The following RSRC1 variants were observed in gnomAD, a reference collection of about 807,000 sequenced individuals.
RSRC1 encodes serine/Arginine-related protein 53.
A neutral mutation model predicts 49.1 loss-of-function variants in RSRC1; 39 were observed. The observed-to-expected ratio is 0.79, with a 90% CI of 0.61 to 1.04. The LOEUF (loss-of-function observed/expected upper bound fraction) is 1.04, where lower values mean the gene tolerates loss of function less well. RSRC1 is among the 50% of genes least tolerant of loss of function. The pLI is 0.00. For missense variants in RSRC1, 388 were observed against 402.4 expected, an observed-to-expected ratio of 0.96 and a Z score of 0.31; for synonymous variants, 143 against 130.8, an observed-to-expected ratio of 1.09 and a Z score of -0.63.
At chr3:158,212,795 C>T (rs1397293435) in intron 4 of RSRC1, among the ~76,000 whole-genome samples, 1 of 151,898 alleles carries the variant, frequency 6.6e-6, no homozygotes, top group Non-Finnish European at 1.5e-5. Flanking sequence ...AGTAGGTCCC[C>T]TAAATGCTAA....
At chr3:158,375,206 A>AT (rs1210719007) in intron 6 of RSRC1, among the ~76,000 whole-genome samples, 2 of 142,820 alleles carry the variant, frequency 1.4e-5, no homozygotes, top group Non-Finnish European at 3.1e-5. Flanking sequence ...TTATTAACTT[A>AT]TTTTTTTGAG....
At chr3:158,330,625 T>C (rs1342923295) in intron 5 of RSRC1, among the ~76,000 whole-genome samples, 2 of 152,170 alleles carry the variant, frequency 1.3e-5, no homozygotes, top group African/African-American at 4.8e-5. Context: ...TATTTTTTGA[T>C]CTTTGCTCTT....
At chr3:158,178,226 C>T (rs1160726780) in intron 3 of RSRC1, among the ~76,000 whole-genome samples, 2 of 152,076 alleles carry the variant, frequency 1.3e-5, no homozygotes, top group African/African-American at 4.8e-5. Flanking sequence ...GCAACTTGCA[C>T]CTCCCAGGTT....
chr3:158,323,298 T>A (rs977442463), intron 5 of RSRC1, among the ~76,000 whole-genome samples: 2 of 152,094 alleles, frequency 1.3e-5, no homozygotes, highest in Admixed American at 6.6e-5. Context: ...TCCTTAGGGG[T>A]TTCCTCTGTG....
chr3:158,120,389 A>G (rs1390992532), intron 1 of RSRC1, among the ~76,000 whole-genome samples: 2 of 151,880 alleles, frequency 1.3e-5, no homozygotes, highest in Non-Finnish European at 2.9e-5. Context: ...GATTTTTTCA[A>G]CTGGTATTGT....
intron 6 of RSRC1, among the ~76,000 whole-genome samples, chr3:158,391,906 G>T (rs1347640305): frequency 2.0e-5 from 3 of 152,028 alleles, no homozygotes; most frequent in Non-Finnish European, 4.4e-5. Flanking sequence ...GTAAAGTAGG[G>T]ATCACTTTAT....
At chr3:158,479,113 C>A (rs962657294) in intron 7 of RSRC1, among the ~76,000 whole-genome samples, 1 of 150,794 alleles carries the variant, frequency 6.6e-6, no homozygotes, top group African/African-American at 2.4e-5. Context: ...TGAGAGCATA[C>A]CAAATAAATA....
At chr3:158,509,016 A>G (rs1740014810) in intron 7 of RSRC1, among the ~76,000 whole-genome samples, 1 of 152,110 alleles carries the variant, frequency 6.6e-6, no homozygotes, top group Admixed American at 6.5e-5. Context: ...AGTTCAGTTT[A>G]TCTGCTTATT....
chr3:158,134,042 T>C (rs1716204887), intron 3 of RSRC1, among the ~76,000 whole-genome samples: 1 of 152,158 alleles, frequency 6.6e-6, no homozygotes, highest in Non-Finnish European at 1.5e-5. Context: ...GCATGCATGA[T>C]ATTGAATATG....
intron 6 of RSRC1, among the ~76,000 whole-genome samples, chr3:158,367,179 A>G (rs1357356572): frequency 2.0e-5 from 3 of 152,234 alleles, no homozygotes; most frequent in South Asian, 4.2e-4. Flanking sequence ...TTTGTTGAAT[A>G]GGAGTGGTGA....
intron 3 of RSRC1, among the ~76,000 whole-genome samples, chr3:158,171,111 C>G (rs1375631808): frequency 6.6e-6 from 1 of 152,190 alleles, no homozygotes; most frequent in African/African-American, 2.4e-5. Flanking sequence ...CTCACCCTTA[C>G]ACTGCATGTG....
intron 3 of RSRC1, among the ~76,000 whole-genome samples, chr3:158,151,085 C>T (rs148020692): frequency 1.3e-5 from 2 of 152,058 alleles, no homozygotes; most frequent in South Asian, 2.1e-4. Flanking sequence ...CTTTTTCTCA[C>T]GCATTGCCAG....
chr3:158,144,754 G>A (rs570305599), intron 3 of RSRC1, among the ~76,000 whole-genome samples: 2 of 152,142 alleles, frequency 1.3e-5, no homozygotes, highest in Non-Finnish European at 2.9e-5. Context: ...CCCCCCAACA[G>A]TGTAAAAGTG....
At chr3:158,517,791 T>TTTG (rs1740657352) in intron 7 of RSRC1, among the ~76,000 whole-genome samples, 1 of 132,796 alleles carries the variant, frequency 7.5e-6, no homozygotes, top group Non-Finnish European at 1.6e-5. Context: ...TTTTTTTTTT[T>TTTG]TTGTTGAGAC....
chr3:158,379,349 C>G (rs1008130423), intron 6 of RSRC1, among the ~76,000 whole-genome samples: 1 of 151,600 alleles, frequency 6.6e-6, no homozygotes, highest in East Asian at 1.9e-4. Context: ...TATAGGCACC[C>G]GCCACCACGC....
chr3:158,269,276 G>T (rs1725371513), intron 4 of RSRC1, among the ~76,000 whole-genome samples: 1 of 152,094 alleles, frequency 6.6e-6, no homozygotes, highest in African/African-American at 2.4e-5. Flanking sequence ...GTGCCTAAAT[G>T]ATATTTACAA....
At chr3:158,177,134 A>G (rs1481743464) in intron 3 of RSRC1, among the ~76,000 whole-genome samples, 2 of 152,226 alleles carry the variant, frequency 1.3e-5, no homozygotes, top group African/African-American at 4.8e-5. Flanking sequence ...TTAAAAAGTC[A>G]GGAAACAACA....
intron 4 of RSRC1, among the ~76,000 whole-genome samples, chr3:158,259,059 C>G (rs1172211106): frequency 6.6e-6 from 1 of 151,984 alleles, no homozygotes; most frequent in African/African-American, 2.4e-5. Flanking sequence ...CTGGTGGTAC[C>G]TTGTTGAGTT....
chr3:158,341,104 TAAAAG>T (rs1730210587), intron 5 of RSRC1, among the ~76,000 whole-genome samples: 1 of 152,020 alleles, frequency 6.6e-6, no homozygotes, highest in African/African-American at 2.4e-5. Flanking sequence ...CATTCAGTCT[TAAAAG>T]AGAAACAGAG....
Sources: allele counts gnomAD v4.1 joint callset (sites outside exome capture counted in the v4.1 genomes callset), GRCh38; gene constraint gnomAD v4.1.1; transcripts MANE v1.5; gene names NCBI Gene and HGNC (gene_info 2026-07-23, HGNC 2026-07-21).